Variants in SLC30A6 observed in about 807,000 individuals in gnomAD.
The protein encoded by SLC30A6 is solute carrier family 30 member 6.
Under a neutral mutation model 63.0 loss-of-function variants are expected in SLC30A6, and 55 were observed. The ratio of observed to expected loss-of-function variants is 0.87; its 90% CI spans 0.70 to 1.09. The LOEUF (loss-of-function observed/expected upper bound fraction) is 1.09. Among genes scored for constraint, SLC30A6 ranks in the 50% least tolerant of loss-of-function variants. SLC30A6 has a pLI of 0.00. For missense variants in SLC30A6, 587 were observed against 549.2 expected, an observed-to-expected ratio of 1.07 and a Z score of -0.69; for synonymous variants, 224 against 186.1, an observed-to-expected ratio of 1.20 and a Z score of -1.66.
chr2:32,210,588 T>G (rs1163809926), intron 13 of SLC30A6, among the ~76,000 whole-genome samples: 2 of 151,362 alleles, frequency 1.3e-5, no homozygotes, highest in Admixed American at 6.6e-5. Context: ...TTTTGTTTAA[T>G]TAATTTATCA....
Position 32,209,488 on chromosome 2 carries a change from G to A in SLC30A6, c.817-5G>A, listed in dbSNP as rs1663023329. The A allele has an allele frequency of 6.2e-7, 1 of 1,603,116 alleles. No individual in the cohort carries two copies. The highest frequency in any genetic ancestry group is 1.3e-5 in the African/African-American group (1 of 74,154). On this transcript the variant is annotated splice_region_variant and splice_polypyrimidine_tract_variant and intron_variant, in intron 12 of 13. Coordinates refer to ENST00000282587, the MANE Select transcript of SLC30A6 (RefSeq NM_017964.5). ...ACTCTGATCACCTCTTTCTGTTTTTGGTAGGTATCTACCTTAGATGGAGTT... is the reference window on the plus strand; with the variant it reads ...ACTCTGATCACCTCTTTCTGTTTTTAGTAGGTATCTACCTTAGATGGAGTT...
chr2:32,180,821 T>C (rs991712125), intron 4 of SLC30A6, among the ~76,000 whole-genome samples: 2 of 152,324 alleles, frequency 1.3e-5, no homozygotes, highest in African/African-American at 4.8e-5. Flanking sequence ...ATAAAAATAG[T>C]CAAATTTTAA....
intron 5 of SLC30A6, among the ~76,000 whole-genome samples, chr2:32,188,634 C>T (rs1046772027): frequency 4.6e-5 from 7 of 152,130 alleles, no homozygotes; most frequent in African/African-American, 1.7e-4. Flanking sequence ...GCGGAGACTG[C>T]AGTGAGCCAA....
chr2:32,188,466 G>T (rs1238907134), intron 5 of SLC30A6, among the ~76,000 whole-genome samples: 1 of 152,106 alleles, frequency 6.6e-6, no homozygotes, highest in African/African-American at 2.4e-5. Flanking sequence ...GGCCGAGGTG[G>T]GAGGATCACC....
In SLC30A6 at chr2:32,222,946, G is replaced by C. The variant is rs1208624481; in HGVS notation, c.*2233G>C. The C allele has an allele frequency of 6.6e-6, 1 of 152,148 alleles. No homozygotes were observed. Among genetic ancestry groups the C allele is most frequent in the Non-Finnish European group, 1.5e-5 (1 of 68,038 alleles). The allele number at this position is 152,148 out of a possible 1,614,324, so 9.4% of individuals were successfully genotyped here. The stretch of plus-strand genomic sequence containing the variant: ...AACACAGTTCTGTGTGAGGTTTTAT[G>C]CCTACTTCCTCAACACCAATTCAGA... On this transcript the variant is annotated 3_prime_UTR_variant, in exon 14 of 14. Transcript: ENST00000282587.
At chr2:32,202,846 A>G (rs897337400) in intron 10 of SLC30A6, 10 of 847,810 alleles carry the variant, frequency 1.2e-5, no homozygotes, top group African/African-American at 8.3e-5. Flanking sequence ...GAACAGATTG[A>G]TGTTTTTGGA....
In SLC30A6 at chr2:32,203,679, A is replaced by G. The variant is rs2148880629; in HGVS notation, c.666-911A>G. 2.6e-6 allele frequency: 4 copies of G among 1,553,828 alleles called. No homozygotes were observed. The African/African-American group carries it at 4.1e-5, about 16-fold the overall frequency. ...AGATTACCAGAATGTGCCTCCTGAA[A>G]GGAAATGTGCGTGTTTGCTTTGATG... On this transcript the variant is annotated intron_variant, in intron 10 of 13. Coordinates refer to ENST00000282587, the MANE Select transcript of SLC30A6 (RefSeq NM_017964.5).
chr2:32,175,089 T>C (rs1681608570), intron 3 of SLC30A6, among the ~76,000 whole-genome samples: 1 of 152,220 alleles, frequency 6.6e-6, no homozygotes, highest in Non-Finnish European at 1.5e-5. Context: ...CATTCATTGC[T>C]TCATTTTTCC....
rs373013203 is a variant in SLC30A6, at chr2:32,176,961, C to T, written c.218+1600C>T. On this transcript the variant is annotated intron_variant, in intron 4 of 13. Coordinates refer to ENST00000282587, the MANE Select transcript of SLC30A6 (RefSeq NM_017964.5). ...CAAATTTTTGTACTTTTAGTGGAGA[C>T]GGGGTGTCGCCATGTTGGCCAGGCT... Among the ~76,000 whole-genome samples the T allele has an allele frequency of 5.8e-4, 88 of 151,332 alleles. No individual in the cohort carries two copies. The East Asian group carries it at 7.8e-3, about 13-fold the overall frequency.
chr2:32,216,534 A>AAAATAAAT (rs199888607), intron 13 of SLC30A6, among the ~76,000 whole-genome samples: 4,964 of 133,028 alleles, frequency 0.037, 116 homozygotes, highest in Admixed American at 0.048. Context: ...AGACTCTCTC[A>AAAATAAAT]AAATAAATAA....
At chr2:32,192,064 G>GT (rs1683378881) in intron 5 of SLC30A6, among the ~76,000 whole-genome samples, 2 of 150,042 alleles carry the variant, frequency 1.3e-5, no homozygotes, top group Non-Finnish European at 1.5e-5. Flanking sequence ...TCATTTTAAA[G>GT]TTTTTCTGGA....
At chr2:32,170,663 A>G (rs917386171) in intron 1 of SLC30A6, among the ~76,000 whole-genome samples, 3 of 152,196 alleles carry the variant, frequency 2.0e-5, no homozygotes, top group Admixed American at 1.3e-4. Flanking sequence ...CAGTGGCACA[A>G]TCTTGACTCA....
chr2:32,220,761 A>G lies in SLC30A6; in HGVS notation c.*48A>G, dbSNP rs528184429. ...AGGAATATTGACTCCTTGGCTTCCA[A>G]TTTATTTAGTAATCCAACTTTGCAT... On this transcript the variant is annotated 3_prime_UTR_variant, in exon 14 of 14. Transcript: ENST00000282587. 1.7e-5 allele frequency: 26 copies of G among 1,521,566 alleles called. No homozygotes were observed. Among genetic ancestry groups the G allele is most frequent in the African/African-American group, 5.5e-5 (4 of 72,148 alleles). 94.3% of individuals were successfully genotyped at this position (1,521,566 alleles called of 1,614,324 possible).
chr2:32,200,202 A>G (rs954349459), intron 10 of SLC30A6, among the ~76,000 whole-genome samples: 13 of 151,652 alleles, frequency 8.6e-5, no homozygotes, highest in Non-Finnish European at 1.6e-4. Flanking sequence ...CTTTATCATC[A>G]TTTCTTTGGC....
chr2:32,219,546 T>C (rs1685987122), intron 13 of SLC30A6, among the ~76,000 whole-genome samples: 1 of 152,160 alleles, frequency 6.6e-6, no homozygotes, highest in Non-Finnish European at 1.5e-5. Flanking sequence ...GCTGTTCTCC[T>C]GCCTCGGTCT....
At chr2:32,195,540 A>G (rs564695312) in intron 8 of SLC30A6, among the ~76,000 whole-genome samples, 1 of 151,802 alleles carries the variant, frequency 6.6e-6, no homozygotes, top group Non-Finnish European at 1.5e-5. Flanking sequence ...CTTTAGATCA[A>G]CTTCGTCTGC....
chr2:32,200,059 A>C (rs939319896), intron 10 of SLC30A6, among the ~76,000 whole-genome samples: 1 of 151,784 alleles, frequency 6.6e-6, no homozygotes, highest in African/African-American at 2.4e-5. Context: ...AGGAGGTTAT[A>C]TATATATGAG....
At chr2:32,214,508 A>G (rs1387276704) in intron 13 of SLC30A6, 1 of 152,174 alleles carries the variant, frequency 6.6e-6, no homozygotes, top group Non-Finnish European at 1.5e-5. Flanking sequence ...CAGAGGCCAT[A>G]CTAATCTTCT....
At chr2:32,175,387 T>G in intron 4 of SLC30A6, 26 bp downstream of exon 4, 1 of 1,602,382 alleles carries the variant, frequency 6.2e-7, no homozygotes, top group Non-Finnish European at 8.5e-7. Context: ...ATCTTAATGT[T>G]TTGGAGCTAA....
Sources: allele counts gnomAD v4.1 joint callset (sites outside exome capture counted in the v4.1 genomes callset), GRCh38; gene constraint gnomAD v4.1.1; transcripts MANE v1.5; gene names NCBI Gene and HGNC (gene_info 2026-07-23, HGNC 2026-07-21).